Variants in AGPAT4 observed in about 807,000 individuals in gnomAD.
AGPAT4 encodes 1-acyl-sn-glycerol-3-phosphate acyltransferase delta.
A neutral mutation model predicts 48.0 loss-of-function variants in AGPAT4; 15 were observed. The ratio of observed to expected loss-of-function variants is 0.31; its 90% CI spans 0.21 to 0.48. The LOEUF (loss-of-function observed/expected upper bound fraction) is 0.48. AGPAT4 is among the 20% of genes least tolerant of loss of function. The pLI is 0.99. For missense variants in AGPAT4, 314 were observed against 482.5 expected (o/e 0.65, Z 3.27); for synonymous variants, 178 against 198.7 (o/e 0.90, Z 0.88).
rs568087898 is a variant in AGPAT4 at position 161,204,628 on chromosome 6, G to A, written c.178+27408C>T. Among the ~76,000 whole-genome samples, 1 of 152,036 alleles carries A rather than the reference G, an allele frequency of 6.6e-6. No homozygotes were observed. The highest frequency in any genetic ancestry group is 1.9e-4 in the East Asian group (1 of 5,174). On this transcript the variant is annotated intron_variant, in intron 2 of 8. Coordinates refer to ENST00000320285, the MANE Select transcript of AGPAT4 (RefSeq NM_020133.3). This position sits in a 1 kb window ranked among gnomAD's most constrained non-coding sequence, Gnocchi z 4.4. ...ACAAATGTTAATTAAATCTCAAAAG[G>A]CAAACAAAATGTCAATCAAAATTGA...
intron 2 of AGPAT4, among the ~76,000 whole-genome samples, chr6:161,228,337 C>T (rs1271716626): frequency 6.6e-6 from 1 of 152,194 alleles, no homozygotes; most frequent in South Asian, 2.1e-4. Context: ...TGTGGCCTTC[C>T]CCATTCAAGG....
rs1053091925 is a variant in AGPAT4 at position 161,233,495 on chromosome 6, C to T, written c.-89-1193G>A. 1.3e-5 allele frequency among the ~76,000 whole-genome samples: 2 copies of T among 152,156 alleles called. No individual in the cohort carries two copies. The highest frequency in any genetic ancestry group is 2.9e-5 in the Non-Finnish European group (2 of 68,032). On this transcript the variant is annotated intron_variant, in intron 1 of 8. Transcript: ENST00000320285. This position sits in a 1 kb window ranked among gnomAD's most constrained non-coding sequence, Gnocchi z 5.4. ...GAACAATCTGTATACAGATGGTCCTCGACTTATGATTCCACTGAAAATTTC... is the reference window on the plus strand; with the variant it reads ...GAACAATCTGTATACAGATGGTCCTTGACTTATGATTCCACTGAAAATTTC...
chr6:161,169,541 G>C lies in AGPAT4; in HGVS notation c.179-3124C>G, dbSNP rs1468470149. Among the ~76,000 whole-genome samples, 1 of 152,000 alleles carries C rather than the reference G, an allele frequency of 6.6e-6. No individual in the cohort carries two copies. The highest frequency in any genetic ancestry group is 1.5e-5 in the Non-Finnish European group (1 of 68,014). Reference sequence around the variant, plus strand: ...GAGTGCAGTGGCCCAATCATACATAGCTCACCGCAGCCTCAACCTCCTGGG... The same window carrying C: ...GAGTGCAGTGGCCCAATCATACATACCTCACCGCAGCCTCAACCTCCTGGG... On this transcript the variant is annotated intron_variant, in intron 2 of 8. Coordinates refer to ENST00000320285, the MANE Select transcript of AGPAT4 (RefSeq NM_020133.3). The surrounding 1 kb of genome is among the most constrained non-coding windows in gnomAD (Gnocchi z 5.0).
chr6:161,248,704 G>A (rs1481802502), intron 1 of AGPAT4, among the ~76,000 whole-genome samples: 11 of 151,908 alleles, frequency 7.2e-5, no homozygotes, highest in East Asian at 1.9e-4. Context: ...TTCCATACTC[G>A]TGGATAGGAA....
In AGPAT4 at chr6:161,215,609, T is replaced by C. The variant is rs1259907726; in HGVS notation, c.178+16427A>G. On this transcript the variant is annotated intron_variant, in intron 2 of 8. Transcript: ENST00000320285. The surrounding 1 kb of genome is among the most constrained non-coding windows in gnomAD (Gnocchi z 4.5). ...TGAACCTAAAACATTCTAGTCTTTA[T>C]ATTCTGAAGCCTAGCACATGCTTGA... Among the ~76,000 whole-genome samples the C allele has an allele frequency of 6.6e-6, 1 of 152,020 alleles. No homozygotes were observed. The highest frequency in any genetic ancestry group is 1.5e-5 in the Non-Finnish European group (1 of 68,020).
rs1562351189 is a variant in AGPAT4 at position 161,236,030 on chromosome 6, C to T, written c.-89-3728G>A. On this transcript the variant is annotated intron_variant, in intron 1 of 8. Coordinates refer to ENST00000320285, the MANE Select transcript of AGPAT4 (RefSeq NM_020133.3). The surrounding 1 kb of genome is among the most constrained non-coding windows in gnomAD (Gnocchi z 5.0). ...AGGAAAGATGGTATAAATATCTGGC[C>T]AGCGATGAAAATAGCTGGAGAGAAA... Among the ~76,000 whole-genome samples the T allele has an allele frequency of 6.6e-6, 1 of 152,170 alleles. No individual in the cohort carries two copies. Among genetic ancestry groups the T allele is most frequent in the Non-Finnish European group, 1.5e-5 (1 of 68,032 alleles).
At position 161,198,767 on chromosome 6, in the gene AGPAT4, T is replaced by A. The variant is rs932192027; in HGVS notation, c.179-32350A>T. ...ATGCAGTCTGTTTTTTCCTTTACAC[T>A]GACGGAGTGCGTGAATGTTAACAGG... On this transcript the variant is annotated intron_variant, in intron 2 of 8. Coordinates refer to ENST00000320285, the MANE Select transcript of AGPAT4 (RefSeq NM_020133.3). The surrounding 1 kb of genome is among the most constrained non-coding windows in gnomAD (Gnocchi z 4.3). Among the ~76,000 whole-genome samples, 2 of 152,182 alleles carry A rather than the reference T, an allele frequency of 1.3e-5. No individual in the cohort carries two copies. Among genetic ancestry groups the A allele is most frequent in the Non-Finnish European group, 2.9e-5 (2 of 68,034 alleles).
Position 161,154,749 on chromosome 6 carries a change from A to G in AGPAT4, c.349-439T>C, listed in dbSNP as rs1425198412. On this transcript the variant is annotated intron_variant, in intron 3 of 8. Coordinates refer to ENST00000320285, the MANE Select transcript of AGPAT4 (RefSeq NM_020133.3). The surrounding 1 kb of genome is among the most constrained non-coding windows in gnomAD (Gnocchi z 7.8). ...ACTGAGTTTTGTGATATTACAAAATATAGTAATTCTTGATCGCTGAAAATG... is the reference window on the plus strand; with the variant it reads ...ACTGAGTTTTGTGATATTACAAAATGTAGTAATTCTTGATCGCTGAAAATG... Among the ~76,000 whole-genome samples, 1 of 152,254 alleles carries G rather than the reference A, an allele frequency of 6.6e-6. No homozygotes were observed. The highest frequency in any genetic ancestry group is 1.5e-5 in the Non-Finnish European group (1 of 68,036).
intron 5 of AGPAT4, among the ~76,000 whole-genome samples, chr6:161,150,652 G>A (rs534729984): frequency 2.0e-5 from 3 of 152,334 alleles, no homozygotes; most frequent in South Asian, 2.1e-4. Flanking sequence ...AGTGGGGCCC[G>A]GAGTGCCCGA....
At position 161,204,712 on chromosome 6, in the gene AGPAT4, T is replaced by A. The variant is rs556211619; in HGVS notation, c.178+27324A>T. 6.6e-6 allele frequency among the ~76,000 whole-genome samples: 1 copy of A among 152,000 alleles called. No individual in the cohort carries two copies. Among genetic ancestry groups the A allele is most frequent in the Non-Finnish European group, 1.5e-5 (1 of 68,006 alleles). ...AAAAATGTTCCCTAAATTCACAGAA[T>A]ATGAGTGCTACAGTGCCAAGCAGAG... On this transcript the variant is annotated intron_variant, in intron 2 of 8. Coordinates refer to ENST00000320285, the MANE Select transcript of AGPAT4 (RefSeq NM_020133.3). The surrounding 1 kb of genome is among the most constrained non-coding windows in gnomAD (Gnocchi z 4.4).
rs1040279463 is a variant in AGPAT4, at chr6:161,131,219, C to T, written c.*5321G>A. ...CAGTGAAAAGCTTTACTAACACAGC[C>T]CTGGGTGCTATTTCCAGATACTGAA... is the stretch of plus-strand genomic sequence containing the variant. On this transcript the variant is annotated 3_prime_UTR_variant, in exon 9 of 9. Transcript: ENST00000320285. 4.4e-6 allele frequency: 1 copy of T among 228,180 alleles called. No homozygotes were observed. 14.1% of individuals were successfully genotyped at this position (228,180 alleles called of 1,614,324 possible). A position where few individuals can be genotyped will look rare whatever the true frequency, so the allele number is the denominator to read the frequency against.
In AGPAT4 at chr6:161,270,943, C is replaced by T. The variant is rs935985685; in HGVS notation, c.-90+2995G>A. 5.3e-5 allele frequency among the ~76,000 whole-genome samples: 8 copies of T among 152,164 alleles called. No homozygotes were observed. Among genetic ancestry groups the T allele is most frequent in the African/African-American group, 1.4e-4 (6 of 41,420 alleles). ...GGCAGGAATTATGAAGATGACATTC[C>T]GGGTAAGTTCCTGGTTGCGTCTTCC... On this transcript the variant is annotated intron_variant, in intron 1 of 8. Transcript: ENST00000320285. The surrounding 1 kb of genome is among the most constrained non-coding windows in gnomAD (Gnocchi z 5.3).
chr6:161,236,946 A>G lies in AGPAT4; in HGVS notation c.-89-4644T>C, dbSNP rs1169980173. The stretch of plus-strand genomic sequence containing the variant: ...AAGGCAGGGGGAGGCTTCTCTCCAG[A>G]TAATGAGTCCCAGACAAACCACAAC... On this transcript the variant is annotated intron_variant, in intron 1 of 8. Transcript: ENST00000320285. This position sits in a 1 kb window ranked among gnomAD's most constrained non-coding sequence, Gnocchi z 5.0. Among the ~76,000 whole-genome samples the G allele has an allele frequency of 6.6e-6, 1 of 152,208 alleles. No homozygotes were observed. Among genetic ancestry groups the G allele is most frequent in the Non-Finnish European group, 1.5e-5 (1 of 68,046 alleles).
intron 2 of AGPAT4, among the ~76,000 whole-genome samples, chr6:161,182,251 CAGCCTCTCACCCTATACCCTCATCCCA>C (rs1194090803): frequency 2.1e-5 from 3 of 145,414 alleles, no homozygotes; most frequent in African/African-American, 5.1e-5. Flanking sequence ...CACCTCATCC[CAGCCTCTCACCCTATACCCTCATCCCA>C]GCACCTCATC....
rs1446116866 is a variant in AGPAT4 at position 161,215,642 on chromosome 6, A to C, written c.178+16394T>G. 1.3e-5 allele frequency among the ~76,000 whole-genome samples: 2 copies of C among 151,808 alleles called. No individual in the cohort carries two copies. The highest frequency in any genetic ancestry group is 4.8e-5 in the African/African-American group (2 of 41,318). On this transcript the variant is annotated intron_variant, in intron 2 of 8. Coordinates refer to ENST00000320285, the MANE Select transcript of AGPAT4 (RefSeq NM_020133.3). This position sits in a 1 kb window ranked among gnomAD's most constrained non-coding sequence, Gnocchi z 4.5. ...AGCCTAGCACATGCTTGAAACACTG[A>C]TATCCTTGCAGTGGCTGAGGGGTAT...
rs1485016247 is a variant in AGPAT4 at position 161,232,714 on chromosome 6, C to T, written c.-89-412G>A. On this transcript the variant is annotated intron_variant, in intron 1 of 8. Transcript: ENST00000320285. The surrounding 1 kb of genome is among the most constrained non-coding windows in gnomAD (Gnocchi z 6.8). The stretch of plus-strand genomic sequence containing the variant: ...CTCCTGCTGCCATCGCGGCCTGAGC[C>T]CCATTCTCTCACCCCTAGCCCCACG... Among the ~76,000 whole-genome samples, 1 of 152,164 alleles carries T rather than the reference C, an allele frequency of 6.6e-6. No individual in the cohort carries two copies. The highest frequency in any genetic ancestry group is 1.9e-4 in the East Asian group (1 of 5,176).
chr6:161,185,216 T>TTATATTAAG (rs1380813959), intron 2 of AGPAT4, among the ~76,000 whole-genome samples: 2 of 151,512 alleles, frequency 1.3e-5, no homozygotes, highest in African/African-American at 4.8e-5. Context: ...TGGTATTACA[T>TTATATTAAG]TATATTAAGA....
rs1269656629 is a variant in AGPAT4, at chr6:161,217,360, G to A, written c.178+14676C>T. 6.6e-6 allele frequency among the ~76,000 whole-genome samples: 1 copy of A among 152,154 alleles called. No individual in the cohort carries two copies. The highest frequency in any genetic ancestry group is 1.9e-4 in the East Asian group (1 of 5,176). On this transcript the variant is annotated intron_variant, in intron 2 of 8. Coordinates refer to ENST00000320285, the MANE Select transcript of AGPAT4 (RefSeq NM_020133.3). This position sits in a 1 kb window ranked among gnomAD's most constrained non-coding sequence, Gnocchi z 4.9. ...TGAAAGGGCATCTCACTGTTTGAGC[G>A]TGCTTTAAAAAGCCTTATGGTGTGT...
At chr6:161,211,345 A>C (rs1781517099) in intron 2 of AGPAT4, among the ~76,000 whole-genome samples, 1 of 152,176 alleles carries the variant, frequency 6.6e-6, no homozygotes, top group Non-Finnish European at 1.5e-5. Context: ...AAAAAAGAAG[A>C]TGAACAATTT....
Sources: gnomAD v4.1 joint callset for allele counts (sites outside exome capture counted in the v4.1 genomes callset) on GRCh38, gnomAD v4.1.1 for gene constraint, Gnocchi (gnomAD v3.1) non-coding constraint, MANE v1.5 for transcripts, NCBI Gene and HGNC (gene_info 2026-07-23, HGNC 2026-07-21) for gene names.